The following COBLL1 variants were observed in gnomAD, a reference collection of about 807,000 sequenced individuals.
COBLL1 encodes cordon-bleu protein-like 1.
Under a neutral mutation model 94.8 loss-of-function variants are expected in COBLL1, and 50 were observed. That is an observed-to-expected ratio of 0.53 (90% CI 0.42 to 0.67). COBLL1 has a LOEUF of 0.67. COBLL1 is among the 30% of genes least tolerant of loss of function. The pLI, the probability that COBLL1 is intolerant of heterozygous loss-of-function variation, is 0.00. For synonymous variants in COBLL1, 448 were observed against 473.8 expected (o/e 0.95, Z 0.71); for missense variants, 1,362 against 1,348.7 (o/e 1.01, Z -0.15).
chr2:164,709,475 T>G (rs912052197), intron 7 of COBLL1, among the ~76,000 whole-genome samples: 1 of 152,226 alleles, frequency 6.6e-6, no homozygotes, highest in Non-Finnish European at 1.5e-5. Context: ...CCCAGCACTT[T>G]GGGAAGCCAA....
chr2:164,722,433 G>A lies in COBLL1; in HGVS notation c.751C>T (p.Arg251Ter), dbSNP rs768317582. The change falls in exon 6 of 14, where the codon CGA becomes TGA. Residue 251 changes from arginine (R) to a stop codon, truncating the protein, a stop_gained. Transcript: ENST00000652658. LOFTEE classifies it high-confidence loss of function. ...FSFFQRSKKK[R>*]DQTASAPATP... ...TATAAGAAAATACTTACTTGGTCTC[G>A]CTTTTTCTTACTGCGTTGAAAAAAA... 3 of 1,516,570 alleles carry A rather than the reference G, an allele frequency of 2.0e-6. No homozygotes were observed. The highest frequency in any genetic ancestry group is 1.3e-5 in the South Asian group (1 of 75,402). The allele number at this position is 1,516,570 out of a possible 1,614,324, so 93.9% of individuals were successfully genotyped here.
chr2:164,774,547 C>T (rs355867), intron 2 of COBLL1, among the ~76,000 whole-genome samples: 36,265 of 152,120 alleles, frequency 0.24, 5,090 homozygotes, highest in African/African-American at 0.39. Context: ...GATACAAAAT[C>T]ACATGTCCCA....
chr2:164,672,904 C>T lies in COBLL1; in HGVS notation n.127-7003G>A, dbSNP rs74368454. On this transcript the variant is annotated intron_variant and non_coding_transcript_variant, in intron 1 of 2. Transcript: ENST00000495084. The stretch of plus-strand genomic sequence containing the variant: ...GTCTCCTAGTAAATTGGTACATCCC[C>T]AGGCCCATAACCCAGATTTCTGGTT... Among the ~76,000 whole-genome samples, 392 of 152,224 alleles carry T rather than the reference C, an allele frequency of 2.6e-3. 3 individuals carry two copies. The highest frequency in any genetic ancestry group is 6.8e-3 in the Middle Eastern group (2 of 294).
intron 2 of COBLL1, among the ~76,000 whole-genome samples, chr2:164,753,462 AT>A (rs1687226402): frequency 6.7e-6 from 1 of 150,034 alleles, no homozygotes; most frequent in Non-Finnish European, 1.5e-5. Context: ...AAAAAAAAAA[AT>A]GCAGAGATTT....
rs912676762 is a variant in COBLL1, at chr2:164,834,073, T to A, written c.41+7083A>T. ...TTACTGTAGCAGATGGGGGAAAAAA[T>A]TTAGCACAGCAAAGTCATAAAAAAA... is the stretch of plus-strand genomic sequence containing the variant. On this transcript the variant is annotated intron_variant, in intron 2 of 13. Coordinates refer to ENST00000652658, the MANE Select transcript of COBLL1 (RefSeq NM_001365672.2). 2.6e-5 allele frequency among the ~76,000 whole-genome samples: 4 copies of A among 152,136 alleles called. No homozygotes were observed. The East Asian group carries it at 5.8e-4, about 22-fold the overall frequency.
intron 3 of COBLL1, among the ~76,000 whole-genome samples, chr2:164,735,442 G>C (rs554714377): frequency 3.9e-5 from 6 of 152,262 alleles, no homozygotes; most frequent in African/African-American, 1.4e-4. Context: ...ACTCAGACTA[G>C]TTTGAATGCT....
intron 2 of COBLL1, among the ~76,000 whole-genome samples, chr2:164,745,838 T>C (rs943608463): frequency 6.6e-6 from 1 of 152,138 alleles, no homozygotes; most frequent in African/African-American, 2.4e-5. Context: ...TTAAATGGTT[T>C]GGTAAAATTG....
At chr2:164,790,155 T>C (rs950890133) in intron 2 of COBLL1, among the ~76,000 whole-genome samples, 6 of 152,224 alleles carry the variant, frequency 3.9e-5, no homozygotes, top group Non-Finnish European at 8.8e-5. Context: ...GCCTCATGTC[T>C]GCATGGGTTT....
In COBLL1 at chr2:164,820,000, T is replaced by C. The variant is rs545803982; in HGVS notation, c.41+21156A>G. On this transcript the variant is annotated intron_variant, in intron 2 of 13. Coordinates refer to ENST00000652658, the MANE Select transcript of COBLL1 (RefSeq NM_001365672.2). ...GCCACCATACCTGGCTTTTTTTTTTTTTTTTTAATTTTTAGTAGAGATGGG... is the reference window on the plus strand; with the variant it reads ...GCCACCATACCTGGCTTTTTTTTTTCTTTTTTAATTTTTAGTAGAGATGGG... 3.2e-4 allele frequency among the ~76,000 whole-genome samples: 49 copies of C among 150,946 alleles called. No homozygotes were observed. The East Asian group carries it at 6.8e-3, about 21-fold the overall frequency.
At chr2:164,826,995 G>A (rs1293535756) in intron 2 of COBLL1, among the ~76,000 whole-genome samples, 4 of 151,750 alleles carry the variant, frequency 2.6e-5, no homozygotes, top group Non-Finnish European at 5.9e-5. Flanking sequence ...CTATCACCCA[G>A]GCTAGAGTGC....
chr2:164,841,361 C>A lies in COBLL1; in HGVS notation c.-50-115G>T. 1 of 1,189,004 alleles carries A rather than the reference C, an allele frequency of 8.4e-7. No individual in the cohort carries two copies. Among genetic ancestry groups the A allele is most frequent in the South Asian group, 4.3e-5 (1 of 23,456 alleles). 73.7% of individuals were successfully genotyped at this position (1,189,004 alleles called of 1,614,324 possible). Reference sequence around the variant, plus strand: ...GCCGCTCCAGCCCCGGCCGGCCCGCCTCCCGGGTGCGCTTCCACCTGCGGG... The same window carrying A: ...GCCGCTCCAGCCCCGGCCGGCCCGCATCCCGGGTGCGCTTCCACCTGCGGG... On this transcript the variant is annotated intron_variant, in intron 1 of 13. Transcript: ENST00000652658. The surrounding 1 kb of genome is among the most constrained non-coding windows in gnomAD (Gnocchi z 5.5).
chr2:164,774,865 CAA>C (rs34127217), intron 2 of COBLL1, among the ~76,000 whole-genome samples: 17,950 of 130,060 alleles, frequency 0.14, 1,454 homozygotes, highest in African/African-American at 0.27. Context: ...TCACTTTTTT[CAA>C]AAAAAAAAAA....
intron 2 of COBLL1, among the ~76,000 whole-genome samples, chr2:164,769,126 A>G (rs1688078103): frequency 6.6e-6 from 1 of 152,128 alleles, no homozygotes; most frequent in Non-Finnish European, 1.5e-5. Flanking sequence ...AGATACACAC[A>G]TACTCTACCA....
At position 164,694,852 on chromosome 2, in the gene COBLL1, T is replaced by C. The variant is rs1462661173; in HGVS notation, c.2540A>G (p.Asn847Ser). 5.6e-6 allele frequency: 9 copies of C among 1,613,818 alleles called. No individual in the cohort carries two copies. In the Admixed American group the frequency reaches 6.7e-5, roughly 12 times the overall value. ...AGATTTAAATTTTGATTCCAAAATA[T>C]TGTTTATTTCTTCCAAATTTGGTGC... The part of the protein sequence containing the change: ...PFAPNLEEIN[N>S]ILESKFKSRA... Residue 847 changes from asparagine (N) to serine (S), a missense_variant, in exon 12 of 14, where the codon AAT becomes AGT. Coordinates refer to ENST00000652658, the MANE Select transcript of COBLL1 (RefSeq NM_001365672.2).
At chr2:164,776,395 C>A (rs575006500) in intron 2 of COBLL1, among the ~76,000 whole-genome samples, 61 of 152,038 alleles carry the variant, frequency 4.0e-4, no homozygotes, top group African/African-American at 1.4e-3. Flanking sequence ...ATACAAGCAC[C>A]CCCCGTCTTA....
chr2:164,788,710 C>T (rs4297904), intron 2 of COBLL1, among the ~76,000 whole-genome samples: 35,117 of 151,718 alleles, frequency 0.23, 4,554 homozygotes, highest in African/African-American at 0.35. Flanking sequence ...GATAACTGGC[C>T]GGACACAGTG....
chr2:164,703,755 T>G (rs1684437192), intron 9 of COBLL1: 1 of 289,016 alleles, frequency 3.5e-6, no homozygotes, highest in African/African-American at 2.4e-5. Context: ...CATGATAAAG[T>G]CCTAGCATAA....
rs956134693 is a variant in COBLL1 at position 164,684,898 on chromosome 2, A to C, written c.*1048T>G. 1 of 152,162 alleles carries C rather than the reference A, an allele frequency of 6.6e-6. No homozygotes were observed. The highest frequency in any genetic ancestry group is 1.5e-5 in the Non-Finnish European group (1 of 68,028). 9.4% of individuals were successfully genotyped at this position (152,162 alleles called of 1,614,324 possible). On this transcript the variant is annotated 3_prime_UTR_variant, in exon 14 of 14. Transcript: ENST00000652658. Reference sequence around the variant, plus strand: ...GAATAAGTGAGCAATTAAATTCTTAAAGTAGGGACAGAACACCAACAGGCT... The same window carrying C: ...GAATAAGTGAGCAATTAAATTCTTACAGTAGGGACAGAACACCAACAGGCT...
intron 2 of COBLL1, among the ~76,000 whole-genome samples, chr2:164,810,185 T>C (rs754563495): frequency 6.6e-6 from 1 of 151,672 alleles, no homozygotes; most frequent in Non-Finnish European, 1.5e-5. Flanking sequence ...CTTTTGATTC[T>C]AGACTATGGA....
Sources: gnomAD v4.1 joint callset for allele counts (sites outside exome capture counted in the v4.1 genomes callset) on GRCh38, gnomAD v4.1.1 for gene constraint, Gnocchi (gnomAD v3.1) non-coding constraint, MANE v1.5 for transcripts, NCBI Gene and HGNC (gene_info 2026-07-23, HGNC 2026-07-21) for gene names.